ADCY2: variants seen among roughly 807,000 people sequenced by gnomAD.
ADCY2 encodes the protein adenylate cyclase 2.
In ADCY2, 31 loss-of-function variants were observed where a neutral mutation model predicts 125.2. The ratio of observed to expected loss-of-function variants is 0.25; its 90% CI spans 0.19 to 0.33. The LOEUF (loss-of-function observed/expected upper bound fraction) is 0.33, where lower values mean the gene tolerates loss of function less well. Ranked by LOEUF, ADCY2 falls within the 10% of genes least tolerant of loss-of-function variation. The probability of loss-of-function intolerance (pLI) is 1.00; values close to 1 mark genes in which losing one functional copy is unlikely to be tolerated. For missense variants in ADCY2, 904 were observed against 1,418.2 expected, an observed-to-expected ratio of 0.64 and a Z score of 5.82; for synonymous variants, 512 against 548.4, an observed-to-expected ratio of 0.93 and a Z score of 0.93.
intron 3 of ADCY2, among the ~76,000 whole-genome samples, chr5:7,569,062 G>A (rs989793943): frequency 6.6e-6 from 1 of 152,172 alleles, no homozygotes; most frequent in African/African-American, 2.4e-5. Flanking sequence ...CTACTTAGTA[G>A]CTATAGATGA....
Position 7,738,001 on chromosome 5 carries a change from A to G in ADCY2, c.1872-5667A>G, listed in dbSNP as rs148141528. On this transcript the variant is annotated intron_variant, in intron 14 of 24. Transcript: ENST00000338316. Reference sequence around the variant, plus strand: ...CTGCAAGTAAAAAAAGAGGGAATTCATCACCAGCAAACCTACAAGATATGC... The same window carrying G: ...CTGCAAGTAAAAAAAGAGGGAATTCGTCACCAGCAAACCTACAAGATATGC... 3.0e-3 allele frequency among the ~76,000 whole-genome samples: 457 copies of G among 152,322 alleles called. 3 individuals are homozygous for G. Among genetic ancestry groups the G allele is most frequent in the African/African-American group, 0.01 (429 of 41,578 alleles).
chr5:7,473,030 G>A (rs1344698035), intron 2 of ADCY2, among the ~76,000 whole-genome samples: 3 of 151,692 alleles, frequency 2.0e-5, no homozygotes, highest in Non-Finnish European at 4.4e-5. Context: ...CTCAGTAATA[G>A]GCAGTCTCTG....
chr5:7,721,996 G>C (rs1431085650), intron 12 of ADCY2, among the ~76,000 whole-genome samples: 1 of 152,206 alleles, frequency 6.6e-6, no homozygotes, highest in Non-Finnish European at 1.5e-5. Context: ...ATTCACAGAG[G>C]TGATTAAGTG....
chr5:7,634,194 A>T (rs1738417133), intron 4 of ADCY2, among the ~76,000 whole-genome samples: 1 of 152,294 alleles, frequency 6.6e-6, no homozygotes, highest in South Asian at 2.1e-4. Flanking sequence ...ATGCATATTT[A>T]ATAGTATATT....
chr5:7,628,444 C>T (rs1738203269), intron 4 of ADCY2, among the ~76,000 whole-genome samples: 1 of 152,138 alleles, frequency 6.6e-6, no homozygotes, highest in Non-Finnish European at 1.5e-5. Context: ...ACATGGCATC[C>T]CTTGCCACAG....
intron 2 of ADCY2, among the ~76,000 whole-genome samples, chr5:7,432,687 A>G (rs1363478757): frequency 6.6e-6 from 1 of 152,208 alleles, no homozygotes; most frequent in African/African-American, 2.4e-5. Flanking sequence ...GGCAAATGCA[A>G]ATTCAGAGCC....
In ADCY2 at chr5:7,481,746, A is replaced by G. The variant is rs905369000; in HGVS notation, c.409-38992A>G. Among the ~76,000 whole-genome samples, 4 of 150,096 alleles carry G rather than the reference A, an allele frequency of 2.7e-5. No homozygotes were observed. In the East Asian group the frequency reaches 5.9e-4, roughly 22 times the overall value. On this transcript the variant is annotated intron_variant, in intron 2 of 24. Transcript: ENST00000338316. ...GTCTGTATATATCTTCTGCCATCCAATGAGTTGTCTCTTCACCATGCTGAT... is the reference window on the plus strand; with the variant it reads ...GTCTGTATATATCTTCTGCCATCCAGTGAGTTGTCTCTTCACCATGCTGAT...
chr5:7,418,650 T>TTTTG (rs1331146556), intron 2 of ADCY2, among the ~76,000 whole-genome samples: 2 of 108,414 alleles, frequency 1.8e-5, no homozygotes, highest in Non-Finnish European at 3.8e-5. Context: ...ACCTTCTGTT[T>TTTTG]TTTTTTTTTT....
chr5:7,479,738 AT>A (rs991427367), intron 2 of ADCY2, among the ~76,000 whole-genome samples: 3 of 152,076 alleles, frequency 2.0e-5, no homozygotes, highest in African/African-American at 7.2e-5. Context: ...TGTCCCGTAA[AT>A]CCCCCCAGTT....
chr5:7,752,580 G>A (rs897639838), intron 15 of ADCY2, among the ~76,000 whole-genome samples: 1 of 151,592 alleles, frequency 6.6e-6, no homozygotes, highest in African/African-American at 2.4e-5. Flanking sequence ...TGTAAATGAA[G>A]TCTACTTTTA....
At chr5:7,507,704 G>C (rs577068342) in intron 2 of ADCY2, among the ~76,000 whole-genome samples, 1 of 152,092 alleles carries the variant, frequency 6.6e-6, no homozygotes, top group Non-Finnish European at 1.5e-5. Context: ...GTTGGAACGA[G>C]GTGTTTTTGT....
intron 4 of ADCY2, among the ~76,000 whole-genome samples, chr5:7,658,446 T>TATATA (rs1739418580): frequency 6.6e-6 from 1 of 151,242 alleles, no homozygotes; most frequent in Non-Finnish European, 1.5e-5. Context: ...TATATATATA[T>TATATA]TTGAGATGGA....
chr5:7,557,201 A>ATATATATATAT, intron 3 of ADCY2, among the ~76,000 whole-genome samples: 4 of 140,050 alleles, frequency 2.9e-5, no homozygotes, highest in African/African-American at 5.3e-5. Flanking sequence ...TGATATATAT[A>ATATATATATAT]ACTCAAGTGA....
At chr5:7,527,482 G>A (rs560604403) in intron 3 of ADCY2, among the ~76,000 whole-genome samples, 4 of 152,038 alleles carry the variant, frequency 2.6e-5, no homozygotes, top group East Asian at 1.9e-4. Context: ...TTCATAGCAC[G>A]TTCTGAATTT....
chr5:7,509,508 A>G lies in ADCY2; in HGVS notation c.409-11230A>G, dbSNP rs140947004. On this transcript the variant is annotated intron_variant, in intron 2 of 24. Coordinates refer to ENST00000338316, the MANE Select transcript of ADCY2 (RefSeq NM_020546.3). ...TCAAGCTTTTTAAAATGCATGACAT[A>G]CCTCCTACCTATTTTAAATTTTAAA... Among the ~76,000 whole-genome samples the G allele has an allele frequency of 4.4e-3, 669 of 152,186 alleles. 5 individuals are homozygous for G. The highest frequency in any genetic ancestry group is 7.3e-3 in the Non-Finnish European group (498 of 68,014).
In ADCY2 at chr5:7,589,539, G is replaced by GAAAAGAAAGAGAAAGAA. The variant is rs1561112760; in HGVS notation, c.571-36627_571-36626insAAAGAAAGAGAAAGAAA. Among the ~76,000 whole-genome samples, 9 of 131,698 alleles carry GAAAAGAAAGAGAAAGAA rather than the reference G, an allele frequency of 6.8e-5. No homozygotes were observed. In the East Asian group the frequency reaches 1.8e-3, roughly 26 times the overall value. 86.4% of individuals were successfully genotyped at this position (131,698 alleles called of 152,430 possible). A position where few individuals can be genotyped will look rare whatever the true frequency, so the allele number is the denominator to read the frequency against. On this transcript the variant is annotated intron_variant, in intron 3 of 24. Coordinates refer to ENST00000338316, the MANE Select transcript of ADCY2 (RefSeq NM_020546.3). ...AGAAAAGAAAGAGAAAGAAAGAAAG[G>GAAAAGAAAGAGAAAGAA]AGGGAGGGAAGGAGGAAGGAAGGAA...
In ADCY2 at chr5:7,445,123, T is replaced by C. The variant is rs138479061; in HGVS notation, c.408+30353T>C. Among the ~76,000 whole-genome samples, 146 of 152,380 alleles carry C rather than the reference T, an allele frequency of 9.6e-4. 1 individual carries two copies. The highest frequency in any genetic ancestry group is 2.2e-3 in the Admixed American group (33 of 15,304). ...TATGTAGTTAAGTAGATCAATCTTA[T>C]AGTGTGTTTGGAGACATATTTAGGA... is the stretch of plus-strand genomic sequence containing the variant. On this transcript the variant is annotated intron_variant, in intron 2 of 24. Coordinates refer to ENST00000338316, the MANE Select transcript of ADCY2 (RefSeq NM_020546.3).
intron 14 of ADCY2, among the ~76,000 whole-genome samples, chr5:7,730,681 T>C (rs1267794256): frequency 6.6e-6 from 1 of 152,206 alleles, no homozygotes; most frequent in Non-Finnish European, 1.5e-5. Context: ...TTAACTTTTA[T>C]TTTCGCTCAG....
At chr5:7,537,180 AC>A (rs1038460636) in intron 3 of ADCY2, among the ~76,000 whole-genome samples, 2 of 152,224 alleles carry the variant, frequency 1.3e-5, no homozygotes, top group African/African-American at 4.8e-5. Context: ...TTTCTTATTT[AC>A]TATGTTTTAA....
Sources: gnomAD v4.1 joint callset for allele counts (sites outside exome capture counted in the v4.1 genomes callset) on GRCh38, gnomAD v4.1.1 for gene constraint, MANE v1.5 for transcripts, NCBI Gene and HGNC (gene_info 2026-07-23, HGNC 2026-07-21) for gene names.